The following KMT2C variants were observed in gnomAD, a reference collection of about 807,000 sequenced individuals.
KMT2C encodes histone-lysine N-methyltransferase 2C.
KMT2C carries 88 observed loss-of-function variants against 507.9 expected under a neutral mutation model. The ratio of observed to expected loss-of-function variants is 0.17; its 90% confidence interval spans 0.15 to 0.21. The LOEUF is 0.21. Among genes scored for constraint, KMT2C ranks in the 10% least tolerant of loss-of-function variants. The pLI, the probability that KMT2C is intolerant of heterozygous loss-of-function variation, is 1.00. For synonymous variants in KMT2C, 2,049 were observed against 2,080.8 expected (o/e 0.98, Z 0.42); for missense variants, 4,954 against 5,957.8 (o/e 0.83, Z 5.55).
At position 152,182,287 on chromosome 7, in the gene KMT2C, G is replaced by A. The variant is rs1243151350; in HGVS notation, c.5573C>T (p.Ala1858Val). ...VKPQAPPPPP[A>V]PSRIPIQDSL... Reference sequence around the variant, plus strand: ...ATCCTGGATGGGAATCCGGGATGGGGCTGGAGGAGGAGGTGGAGCTTGTGG... The same window carrying A: ...ATCCTGGATGGGAATCCGGGATGGGACTGGAGGAGGAGGTGGAGCTTGTGG... Residue 1858 changes from alanine to valine, a missense_variant, in exon 36 of 59, where the codon GCC (alanine) becomes GTC (valine). Ala to Val is a moderately conservative substitution (Grantham distance 64, BLOSUM62 0). This residue lies in a region of KMT2C where 1,689 missense variants were observed against 1,654.3 expected (regional missense o/e 1.02). Coordinates refer to ENST00000262189, the MANE Select transcript of KMT2C (RefSeq NM_170606.3). 6.2e-7 allele frequency: 1 copy of A among 1,614,180 alleles called. No homozygotes were observed. The highest frequency in any genetic ancestry group is 2.2e-5 in the East Asian group (1 of 44,880).
chr7:152,419,616 A>G (rs1278117629), intron 1 of KMT2C, among the ~76,000 whole-genome samples: 1 of 152,178 alleles, frequency 6.6e-6, no homozygotes, highest in Non-Finnish European at 1.5e-5. Flanking sequence ...AACATCTTCA[A>G]TGGCTCCCTA....
intron 1 of KMT2C, among the ~76,000 whole-genome samples, chr7:152,366,364 T>C (rs1044911933): frequency 1.3e-5 from 2 of 152,286 alleles, no homozygotes; most frequent in South Asian, 4.2e-4. Context: ...GGTACAGACA[T>C]ACCACATTGG....
intron 6 of KMT2C, among the ~76,000 whole-genome samples, chr7:152,284,810 A>C (rs1465437927): frequency 2.6e-5 from 4 of 152,270 alleles, no homozygotes; most frequent in Non-Finnish European, 5.9e-5. Flanking sequence ...ACATAAAAAG[A>C]GGCTCAATCT....
intron 1 of KMT2C, among the ~76,000 whole-genome samples, chr7:152,429,931 C>T (rs956805456): frequency 8.6e-5 from 13 of 151,944 alleles, no homozygotes; most frequent in East Asian, 2.0e-4. Context: ...AATCCCAGCA[C>T]TTTGGGAGTG....
At chr7:152,152,260 G>A (rs1463952874) in intron 49 of KMT2C, among the ~76,000 whole-genome samples, 1 of 152,238 alleles carries the variant, frequency 6.6e-6, no homozygotes, top group African/African-American at 2.4e-5. Flanking sequence ...TCTGTGGGAA[G>A]AGAAGGGCCC....
intron 27 of KMT2C, among the ~76,000 whole-genome samples, chr7:152,196,717 G>A (rs2093974036): frequency 6.6e-6 from 1 of 152,156 alleles, no homozygotes; most frequent in Admixed American, 6.5e-5. Context: ...ATAAGCTGCG[G>A]GGATGTTGTA....
intron 11 of KMT2C, among the ~76,000 whole-genome samples, chr7:152,251,416 T>C (rs1367078826): frequency 6.6e-6 from 1 of 152,136 alleles, no homozygotes; most frequent in Non-Finnish European, 1.5e-5. Context: ...TAAAGAGAAG[T>C]TTTACAAAAG....
intron 1 of KMT2C, among the ~76,000 whole-genome samples, chr7:152,392,521 C>T (rs1159141140): frequency 6.6e-6 from 1 of 152,162 alleles, no homozygotes; most frequent in Non-Finnish European, 1.5e-5. Flanking sequence ...GTTCTCATAT[C>T]CCCTTCAGTG....
chr7:152,269,503 A>AC (rs1384408879), intron 7 of KMT2C, among the ~76,000 whole-genome samples: 6 of 152,220 alleles, frequency 3.9e-5, no homozygotes, highest in Admixed American at 6.5e-5. Flanking sequence ...ATTTAGACAC[A>AC]CATGTCTGTA....
chr7:152,325,951 C>T (rs1262723462), intron 3 of KMT2C, among the ~76,000 whole-genome samples: 1 of 149,494 alleles, frequency 6.7e-6, no homozygotes, highest in Non-Finnish European at 1.5e-5. Context: ...TGTTCTAGCA[C>T]AATTGTTGAA....
intron 2 of KMT2C, among the ~76,000 whole-genome samples, chr7:152,357,557 A>G (rs2129230582): frequency 6.6e-6 from 1 of 152,212 alleles, no homozygotes; most frequent in East Asian, 1.9e-4. Flanking sequence ...AAACAAACAA[A>G]AACACTAAAG....
At chr7:152,338,430 C>T (rs2096958596) in intron 2 of KMT2C, among the ~76,000 whole-genome samples, 1 of 151,936 alleles carries the variant, frequency 6.6e-6, no homozygotes. Context: ...AAAAATAGGA[C>T]ACAATAATGA....
At chr7:152,306,638 T>C (rs1030343507) in intron 6 of KMT2C, among the ~76,000 whole-genome samples, 4 of 152,238 alleles carry the variant, frequency 2.6e-5, no homozygotes, top group African/African-American at 9.6e-5. Context: ...CCTAGAATAA[T>C]TGAGAGGTAA....
intron 1 of KMT2C, among the ~76,000 whole-genome samples, chr7:152,370,147 T>C (rs2097282756): frequency 6.7e-6 from 1 of 148,232 alleles, no homozygotes; most frequent in Non-Finnish European, 1.5e-5. Flanking sequence ...TGAGCCGAGA[T>C]CACACAACTG....
chr7:152,261,077 C>A (rs1182420025), intron 9 of KMT2C, among the ~76,000 whole-genome samples: 1 of 152,100 alleles, frequency 6.6e-6, no homozygotes, highest in Non-Finnish European at 1.5e-5. Flanking sequence ...TCAATCCAAA[C>A]AGTTACCTCT....
In KMT2C at chr7:152,207,063, T is replaced by C. The variant is rs548315645; in HGVS notation, c.3841+237A>G. On this transcript the variant is annotated intron_variant, in intron 24 of 58. Transcript: ENST00000262189. ...AAGCCTTTAATAAAATGGTTAACAT[T>C]TGGGACAAGGCATTCAATAATGATT... 2.6e-5 allele frequency among the ~76,000 whole-genome samples: 4 copies of C among 152,294 alleles called. No homozygotes were observed. In the South Asian group the frequency reaches 8.3e-4, roughly 32 times the overall value.
chr7:152,409,739 T>A (rs1311337255), intron 1 of KMT2C, among the ~76,000 whole-genome samples: 6 of 151,528 alleles, frequency 4.0e-5, no homozygotes, highest in Non-Finnish European at 7.4e-5. Context: ...TCAAAAAAAA[T>A]AAAATAAAAT....
At chr7:152,290,294 ATTTTTTTTTTTTTTTTT>A (rs869073980) in intron 6 of KMT2C, among the ~76,000 whole-genome samples, 1 of 21,422 alleles carries the variant, frequency 4.7e-5, no homozygotes, top group African/African-American at 1.8e-4. Context: ...ATATATATAT[ATTTTTTTTTTTTTTTTT>A]TTTTTTTTTT....
At chr7:152,233,477 C>T (rs1004609688) in intron 16 of KMT2C, among the ~76,000 whole-genome samples, 4 of 151,788 alleles carry the variant, frequency 2.6e-5, no homozygotes, top group Non-Finnish European at 5.9e-5. Context: ...TCAAATTAAA[C>T]TCAAAGTGAG....
Sources: allele counts gnomAD v4.1 joint callset (sites outside exome capture counted in the v4.1 genomes callset), GRCh38; gene constraint gnomAD v4.1.1; regional missense constraint gnomAD v4.1.1; transcripts MANE v1.5; gene names NCBI Gene and HGNC (gene_info 2026-07-23, HGNC 2026-07-21).